Variants in C1QTNF3 observed in about 807,000 individuals in gnomAD.
C1QTNF3 encodes the protein C1q and TNF related 3.
A neutral mutation model predicts 32.6 loss-of-function variants in C1QTNF3; 26 were observed. That is an observed-to-expected ratio of 0.80 (90% CI 0.58 to 1.11). C1QTNF3 has a LOEUF of 1.11. Among genes scored for constraint, C1QTNF3 ranks in the 50% least tolerant of loss-of-function variants. C1QTNF3 has a pLI of 0.00. For synonymous variants in C1QTNF3, 155 were observed against 146.0 expected (o/e 1.06, Z -0.44); for missense variants, 362 against 398.2 (o/e 0.91, Z 0.77).
At chr5:34,210,334 C>T in the C1QTNF3 span, among the ~76,000 whole-genome samples, 1 of 152,018 alleles carries the variant, frequency 6.6e-6, no homozygotes, top group African/African-American at 2.4e-5. Flanking sequence ...GCTTTAATAT[C>T]AATTGACTAC....
the C1QTNF3 span, chr5:34,124,366 G>T: frequency 2.6e-5 from 18 of 705,078 alleles, no homozygotes; most frequent in Non-Finnish European, 1.6e-5. Flanking sequence ...TATAAGAAGA[G>T]ATATTTAATT....
At chr5:34,095,838 A>G in the C1QTNF3 span, among the ~76,000 whole-genome samples, 1 of 151,658 alleles carries the variant, frequency 6.6e-6, no homozygotes, top group African/African-American at 2.4e-5. Flanking sequence ...CAAAGCGAAA[A>G]TGGAAGGTTA....
intron 1 of C1QTNF3, among the ~76,000 whole-genome samples, chr5:34,038,726 G>A (rs942470578): frequency 1.3e-5 from 2 of 152,112 alleles, no homozygotes; most frequent in Non-Finnish European, 2.9e-5. Context: ...ATTTCCTGAG[G>A]GAAGCTAGGA....
the C1QTNF3 span, among the ~76,000 whole-genome samples, chr5:34,085,125 G>C: frequency 1.3e-5 from 2 of 148,592 alleles, 1 homozygote; most frequent in African/African-American, 5.1e-5. Context: ...TGAGTAGCTG[G>C]GACTACAGGC....
At chr5:34,088,776 T>A in the C1QTNF3 span, among the ~76,000 whole-genome samples, 2 of 152,152 alleles carry the variant, frequency 1.3e-5, no homozygotes, top group African/African-American at 4.8e-5. Flanking sequence ...CCTCCTACAG[T>A]GCTGAGATGA....
chr5:34,177,479 A>G, the C1QTNF3 span, among the ~76,000 whole-genome samples: 3 of 99,148 alleles, frequency 3.0e-5, no homozygotes, highest in African/African-American at 1.2e-4. Flanking sequence ...ACCATACCCA[A>G]CTTTTTTTTT....
Position 34,035,707 on chromosome 5 carries a change from C to T in C1QTNF3, c.355G>A (p.Asp119Asn). 2 of 1,612,570 alleles carry T rather than the reference C, an allele frequency of 1.2e-6. No individual in the cohort carries two copies. Among genetic ancestry groups the T allele is most frequent in the Non-Finnish European group, 1.7e-6 (2 of 1,179,624 alleles). The change falls in exon 2 of 6, where the codon GAC (aspartate) becomes AAC (asparagine). Residue 119 changes from aspartate to asparagine, a missense_variant. Asp to Asn is a conservative substitution (Grantham distance 23, BLOSUM62 1). Transcript: ENST00000382065. ...PPDCSKCCHG[D>N]YSFRGYQGPP... is the part of the protein sequence containing the mutation. ...CCTTGGTAGCCTCGAAAGCTGTAGTCTCCATGACAACACTTACTGCAGTCT... is the reference window on the plus strand; with the variant it reads ...CCTTGGTAGCCTCGAAAGCTGTAGTTTCCATGACAACACTTACTGCAGTCT...
At chr5:34,230,451 G>T in the C1QTNF3 span, among the ~76,000 whole-genome samples, 1 of 151,736 alleles carries the variant, frequency 6.6e-6, no homozygotes, top group Middle Eastern at 3.4e-3. Context: ...TATGCCCCAG[G>T]GTCCATCTTA....
the C1QTNF3 span, among the ~76,000 whole-genome samples, chr5:34,052,793 T>G: frequency 6.6e-6 from 1 of 152,196 alleles, no homozygotes; most frequent in African/African-American, 2.4e-5. Flanking sequence ...ACAGAAAACA[T>G]CAAGTCTGCA....
intron 4 of C1QTNF3, among the ~76,000 whole-genome samples, chr5:34,024,993 A>G (rs1279850186): frequency 6.6e-6 from 1 of 152,242 alleles, no homozygotes; most frequent in African/African-American, 2.4e-5. Flanking sequence ...TCAAAGGGCA[A>G]TCAAGTAAGA....
the C1QTNF3 span, among the ~76,000 whole-genome samples, chr5:34,049,133 T>C: frequency 6.6e-6 from 1 of 152,246 alleles, no homozygotes; most frequent in African/African-American, 2.4e-5. Flanking sequence ...TCTTTCTCTC[T>C]AAGATGACCT....
intron 3 of C1QTNF3, among the ~76,000 whole-genome samples, chr5:34,029,315 T>C (rs1159503709): frequency 6.6e-6 from 1 of 152,120 alleles, no homozygotes; most frequent in Non-Finnish European, 1.5e-5. Context: ...TTTTTTTTTT[T>C]TCTTTATAGA....
chr5:34,177,724 T>C, the C1QTNF3 span, among the ~76,000 whole-genome samples: 1 of 151,498 alleles, frequency 6.6e-6, no homozygotes, highest in East Asian at 2.0e-4. Flanking sequence ...CTTGGCCTCG[T>C]GATCCACCCA....
At chr5:34,215,681 G>T in the C1QTNF3 span, among the ~76,000 whole-genome samples, 5,044 of 152,196 alleles carry the variant, frequency 0.033, 119 homozygotes, top group Non-Finnish European at 0.049. Flanking sequence ...GTCTTACTCT[G>T]TCACCAAGGC....
At chr5:34,211,733 A>G in the C1QTNF3 span, among the ~76,000 whole-genome samples, 1 of 151,690 alleles carries the variant, frequency 6.6e-6, no homozygotes, top group South Asian at 2.1e-4. Flanking sequence ...ATCATTTTTT[A>G]TGGCTGCATA....
the C1QTNF3 span, among the ~76,000 whole-genome samples, chr5:34,177,321 GTTC>G: frequency 9.2e-5 from 14 of 151,998 alleles, no homozygotes; most frequent in Non-Finnish European, 5.9e-5. Flanking sequence ...CATTGCAAAG[GTTC>G]TTTTTTGAAA....
the C1QTNF3 span, among the ~76,000 whole-genome samples, chr5:34,062,170 G>C: frequency 6.6e-6 from 1 of 152,156 alleles, no homozygotes; most frequent in Non-Finnish European, 1.5e-5. Context: ...ATTCACCTTT[G>C]CTCCAGTTCA....
chr5:34,112,027 T>TTA, the C1QTNF3 span, among the ~76,000 whole-genome samples: 1 of 152,170 alleles, frequency 6.6e-6, no homozygotes. Context: ...ATGTAACATA[T>TTA]TATATCTGAT....
chr5:34,129,870 C>A, the C1QTNF3 span, among the ~76,000 whole-genome samples: 2 of 151,916 alleles, frequency 1.3e-5, no homozygotes, highest in Non-Finnish European at 2.9e-5. Flanking sequence ...TCTTCAGCAT[C>A]TAATTTTCTC....
Sources: gnomAD v4.1 joint callset for allele counts (sites outside exome capture counted in the v4.1 genomes callset) on GRCh38, gnomAD v4.1.1 for gene constraint, MANE v1.5 for transcripts, NCBI Gene and HGNC (gene_info 2026-07-23, HGNC 2026-07-21) for gene names.